The following MCL1 variants were observed in gnomAD, a reference collection of about 807,000 sequenced individuals.
The protein encoded by MCL1 is induced myeloid leukemia cell differentiation protein Mcl-1.
MCL1 carries 4 observed loss-of-function variants against 24.2 expected under a neutral mutation model. The observed-to-expected ratio is 0.17, with a 90% CI of 0.08 to 0.38. The LOEUF (loss-of-function observed/expected upper bound fraction) is 0.38. Among genes scored for constraint, MCL1 ranks in the 10% least tolerant of loss-of-function variants. The pLI, the probability that MCL1 is intolerant of heterozygous loss-of-function variation, is 1.00. For synonymous variants in MCL1, 248 were observed against 214.0 expected (o/e 1.16, Z -1.39); for missense variants, 529 against 480.3 (o/e 1.10, Z -0.95).
intron 2 of MCL1, among the ~76,000 whole-genome samples, 195 bp downstream of exon 2, chr1:150,578,049 T>C (rs1158347244): frequency 6.6e-6 from 1 of 152,216 alleles, no homozygotes; most frequent in Non-Finnish European, 1.5e-5. Flanking sequence ...AGATTTTTGA[T>C]ACAATTCAAG....
Position 150,575,614 on chromosome 1 carries a change from C to T in MCL1, c.*1761G>A, listed in dbSNP as rs948572958. 2 of 233,060 alleles carry T rather than the reference C, an allele frequency of 8.6e-6. No individual in the cohort carries two copies. Among genetic ancestry groups the T allele is most frequent in the South Asian group, 3.6e-4 (2 of 5,536 alleles). 14.4% of individuals were successfully genotyped at this position (233,060 alleles called of 1,614,324 possible). A position where few individuals can be genotyped will look rare whatever the true frequency, so the allele number is the denominator to read the frequency against. On this transcript the variant is annotated 3_prime_UTR_variant, in exon 3 of 3. Transcript: ENST00000369026. ...CCAGTCCAAGGAAAAGGGACTTCCTCCCACCTCTCAATGACTGTTAGTGTC... is the reference window on the plus strand; with the variant it reads ...CCAGTCCAAGGAAAAGGGACTTCCTTCCACCTCTCAATGACTGTTAGTGTC...
Position 150,576,198 on chromosome 1 carries a change from A to G in MCL1, c.*1177T>C, listed in dbSNP as rs1198966809. 1 of 233,164 alleles carries G rather than the reference A, an allele frequency of 4.3e-6. No homozygotes were observed. The highest frequency in any genetic ancestry group is 8.5e-6 in the Non-Finnish European group (1 of 117,868). 14.4% of individuals were successfully genotyped at this position (233,164 alleles called of 1,614,324 possible). ...CTGAAAATCTTTTAGTAAAAGCTTT[A>G]AAGATGAGCCCATGAATTCACTTTA... On this transcript the variant is annotated 3_prime_UTR_variant, in exon 3 of 3. Coordinates refer to ENST00000369026, the MANE Select transcript of MCL1 (RefSeq NM_021960.5).
rs763235962 is a variant in MCL1 at position 150,579,465 on chromosome 1, C to T, written c.66G>A (p.Gly22=). Residue 22 remains glycine, a synonymous_variant, in exon 1 of 3, where the codon GGG becomes GGA. Transcript: ENST00000369026. ...LNLYCGGAGL[G]AGSGGATRPG... is the part of the protein sequence containing the mutation. ...GGCGGGTGGCGCCGCCGCTGCCGGC[C>T]CCCAAGCCGGCCCCCCCACAGTAGA... 1.3e-5 allele frequency: 20 copies of T among 1,592,958 alleles called. 1 individual carries two copies. Among genetic ancestry groups the T allele is most frequent in the Non-Finnish European group, 1.7e-5 (20 of 1,171,548 alleles).
chr1:150,578,613 T>C, intron 1 of MCL1, 122 bp from the exon 2 acceptor site: 1 of 1,284,892 alleles, frequency 7.8e-7, no homozygotes, highest in Non-Finnish European at 1.1e-6. Context: ...TTGACCCCAC[T>C]TGAAATTGAC....
At chr1:150,578,630 C>G (rs986910721) in intron 1 of MCL1, 139 bp from the exon 2 acceptor site, 11 of 1,148,102 alleles carry the variant, frequency 9.6e-6, no homozygotes, top group African/African-American at 1.5e-5. Flanking sequence ...TGACATCCCA[C>G]CCTTTCCGGT....
rs371616046 is a variant in MCL1, at chr1:150,576,416, G to A, written c.*959C>T. 1.2e-5 allele frequency: 2 copies of A among 163,814 alleles called. No individual in the cohort carries two copies. The highest frequency in any genetic ancestry group is 8.7e-5 in the East Asian group (1 of 11,490). 10.1% of individuals were successfully genotyped at this position (163,814 alleles called of 1,614,324 possible). On this transcript the variant is annotated 3_prime_UTR_variant, in exon 3 of 3. Coordinates refer to ENST00000369026, the MANE Select transcript of MCL1 (RefSeq NM_021960.5). The stretch of plus-strand genomic sequence containing the variant: ...CCCAGGTTTTCAAAGAAAAACCTAA[G>A]GAATACTTACCAAAATCAGATAAGA...
Position 150,579,209 on chromosome 1 carries a change from G to C in MCL1, c.322C>G (p.Leu108Val), listed in dbSNP as rs372948653. Reference sequence around the variant, plus strand: ...GCGGCCGGGGCTTCCATCTCCTCAAGCGGCGCCGCGCGGCGGGTGGGCGCG... The same window carrying C: ...GCGGCCGGGGCTTCCATCTCCTCAACCGGCGCCGCGCGGCGGGTGGGCGCG... ...FFAPTRRAAP[L>V]EEMEAPAADA... Residue 108 changes from leucine (L) to valine (V), a missense_variant, in exon 1 of 3, where the codon CTT (leucine) becomes GTT (valine). Leu to Val is a conservative substitution (Grantham distance 32). Coordinates refer to ENST00000369026, the MANE Select transcript of MCL1 (RefSeq NM_021960.5). 11 of 1,576,576 alleles carry C rather than the reference G, an allele frequency of 7.0e-6. No individual in the cohort carries two copies. The highest frequency in any genetic ancestry group is 9.4e-6 in the Non-Finnish European group (11 of 1,164,592).
intron 1 of MCL1, 49 bp from the exon 2 acceptor site, chr1:150,578,540 G>T (rs370650239): frequency 1.2e-6 from 2 of 1,600,514 alleles, no homozygotes; most frequent in African/African-American, 2.7e-5. Flanking sequence ...TGTCTAAACC[G>T]GCGCAAGATT....
In MCL1 at chr1:150,579,392, C is replaced by A; in HGVS notation, c.139G>T (p.Glu47Ter). Residue 47 changes from glutamate (E) to a stop codon, truncating the protein, a stop_gained, in exon 1 of 3, where the codon GAG (glutamate) becomes TAG (stop). Coordinates refer to ENST00000369026, the MANE Select transcript of MCL1 (RefSeq NM_021960.5). LOFTEE classifies it high-confidence loss of function. ...GCGCCGGCCTCCCCTCCCCCTATCT[C>A]TCGCCGGGCCGAGGCCTCCTTCTCC... is the stretch of plus-strand genomic sequence containing the variant. ...ATEKEASARR[E>*]IGGGEAGAVI... The A allele has an allele frequency of 6.4e-7, 1 of 1,551,520 alleles. No individual in the cohort carries two copies. The highest frequency in any genetic ancestry group is 8.7e-7 in the Non-Finnish European group (1 of 1,154,948).
Position 150,574,740 on chromosome 1 carries a change from A to G in MCL1, c.*2635T>C, listed in dbSNP as rs1292150409. ...CCACAGAATGTACATGAAACACTAG[A>G]GGACTGCATGTTTTTCCCTGAGAGA... On this transcript the variant is annotated 3_prime_UTR_variant, in exon 3 of 3. Transcript: ENST00000369026. 1 of 233,096 alleles carries G rather than the reference A, an allele frequency of 4.3e-6. No individual in the cohort carries two copies. Among genetic ancestry groups the G allele is most frequent in the Non-Finnish European group, 8.5e-6 (1 of 117,752 alleles). The allele number at this position is 233,096 out of a possible 1,614,324, so 14.4% of individuals were successfully genotyped here.
Position 150,579,303 on chromosome 1 carries a change from G to A in MCL1, c.228C>T (p.Val76=). ...CGGCGCCAATGGGCGGCGGCCGCGC[G>A]ACCCTCCGGGAGTCTGGCGTGAGGG... ...PSTLTPDSRR[V]ARPPPIGAEV... The change falls in exon 1 of 3, where the codon GTC becomes GTT. Residue 76 remains valine (V), a synonymous_variant. Transcript: ENST00000369026. 1 of 1,478,658 alleles carries A rather than the reference G, an allele frequency of 6.8e-7. No homozygotes were observed. Among genetic ancestry groups the A allele is most frequent in the African/African-American group, 1.4e-5 (1 of 69,692 alleles). The allele number at this position is 1,478,658 out of a possible 1,614,324, so 91.6% of individuals were successfully genotyped here.
intron 1 of MCL1, 110 bp from the exon 2 acceptor site, chr1:150,578,601 G>A (rs1249049452): frequency 1.4e-5 from 19 of 1,367,554 alleles, no homozygotes; most frequent in Non-Finnish European, 1.8e-5. Context: ...ACAGAACTCA[G>A]GTTGACCCCA....
intron 1 of MCL1, 139 bp downstream of exon 1, chr1:150,578,704 G>C: frequency 1.9e-6 from 2 of 1,076,960 alleles, no homozygotes; most frequent in Non-Finnish European, 2.7e-6. Context: ...CTCATGGCCA[G>C]AATATTCTGG....
rs1240847149 is a variant in MCL1, at chr1:150,575,146, G to A, written c.*2229C>T. On this transcript the variant is annotated 3_prime_UTR_variant, in exon 3 of 3. Coordinates refer to ENST00000369026, the MANE Select transcript of MCL1 (RefSeq NM_021960.5). The stretch of plus-strand genomic sequence containing the variant: ...TAAGATTAATTAAAAACTACATAAA[G>A]TGCTTTTAGGTCCTTAGAGATACAT... 1.7e-5 allele frequency: 4 copies of A among 233,030 alleles called. No homozygotes were observed. The highest frequency in any genetic ancestry group is 3.4e-5 in the Non-Finnish European group (4 of 117,812). 14.4% of individuals were successfully genotyped at this position (233,030 alleles called of 1,614,324 possible). A position where few individuals can be genotyped will look rare whatever the true frequency, so the allele number is the denominator to read the frequency against.
In MCL1 at chr1:150,577,063, A is replaced by G. The variant is rs1436106954; in HGVS notation, c.*312T>C. On this transcript the variant is annotated 3_prime_UTR_variant, in exon 3 of 3. Coordinates refer to ENST00000369026, the MANE Select transcript of MCL1 (RefSeq NM_021960.5). ...GGCTACTGGCCACTTTCCTGTTCTC[A>G]ACAAGGAAATTAAGTCTTTCCACCC... 6.8e-6 allele frequency: 2 copies of G among 294,084 alleles called. No homozygotes were observed. Among genetic ancestry groups the G allele is most frequent in the Non-Finnish European group, 1.3e-5 (2 of 153,416 alleles). The allele number at this position is 294,084 out of a possible 1,614,324, so 18.2% of individuals were successfully genotyped here. A position where few individuals can be genotyped will look rare whatever the true frequency, so the allele number is the denominator to read the frequency against.
At chr1:150,578,161 C>A (rs1421064858) in intron 2 of MCL1, 83 bp downstream of exon 2, 17 of 1,481,416 alleles carry the variant, frequency 1.1e-5, no homozygotes, top group Admixed American at 2.1e-5. Flanking sequence ...TCATAAAAAC[C>A]TTTAGATATC....
At position 150,578,983 on chromosome 1, in the gene MCL1, G is replaced by C. The variant is rs766788816; in HGVS notation, c.548C>G (p.Ser183Cys). The change falls in exon 1 of 3, where the codon TCT (serine) becomes TGT (cysteine). Residue 183 changes from serine to cysteine, a missense_variant. Transcript: ENST00000369026. ...ELYRQSLEII[S>C]RYLREQATGA... is the part of the protein sequence containing the mutation. Reference sequence around the variant, plus strand: ...GGTGGCCTGCTCCCGAAGGTACCGAGAGATAATCTCCAGCGACTGCCGGTA... The same window carrying C: ...GGTGGCCTGCTCCCGAAGGTACCGACAGATAATCTCCAGCGACTGCCGGTA... 1 of 1,613,638 alleles carries C rather than the reference G, an allele frequency of 6.2e-7. No individual in the cohort carries two copies. The highest frequency in any genetic ancestry group is 1.7e-5 in the Admixed American group (1 of 60,016).
At position 150,574,559 on chromosome 1, in the gene MCL1, T is replaced by C. The variant is rs1201335075; in HGVS notation, c.*2816A>G. The C allele has an allele frequency of 9.0e-6, 2 of 222,904 alleles. No individual in the cohort carries two copies. Among genetic ancestry groups the C allele is most frequent in the South Asian group, 1.8e-4 (1 of 5,448 alleles). The allele number at this position is 222,904 out of a possible 1,614,324, so 13.8% of individuals were successfully genotyped here. On this transcript the variant is annotated 3_prime_UTR_variant, in exon 3 of 3. Transcript: ENST00000369026. The stretch of plus-strand genomic sequence containing the variant: ...AAAAGACCCATATCACACCCTGTAT[T>C]TGAATAAAAGATTTATTTTTTTTTC...
rs1570982611 is a variant in MCL1 at position 150,578,831 on chromosome 1, G to A, written c.688+12C>T. ...AGGGAGTGAGGCCTTGGCGATTAATGAACCCCCTTACCTTGGAAGGCCGTC... is the reference window on the plus strand; with the variant it reads ...AGGGAGTGAGGCCTTGGCGATTAATAAACCCCCTTACCTTGGAAGGCCGTC... On this transcript the variant is annotated intron_variant, in intron 1 of 2. Transcript: ENST00000369026. The A allele has an allele frequency of 6.2e-7, 1 of 1,600,970 alleles. No homozygotes were observed. The highest frequency in any genetic ancestry group is 8.5e-7 in the Non-Finnish European group (1 of 1,171,466).
Sources: allele counts gnomAD v4.1 joint callset (sites outside exome capture counted in the v4.1 genomes callset), GRCh38; gene constraint gnomAD v4.1.1; transcripts MANE v1.5; gene names NCBI Gene and HGNC (gene_info 2026-07-23, HGNC 2026-07-21).